The following FAN1 variants were observed in gnomAD, a reference collection of about 807,000 sequenced individuals.
The protein encoded by FAN1 is FANCD2 and FANCI associated nuclease 1, also known as fanconi-associated nuclease 1.
In FAN1, 91 loss-of-function variants were observed where a neutral mutation model predicts 104.9. The observed-to-expected ratio is 0.87, with a 90% CI of 0.73 to 1.03. The LOEUF is 1.03. Ranked by LOEUF, FAN1 falls within the 50% of genes least tolerant of loss-of-function variation. FAN1 has a pLI of 0.00. For missense variants in FAN1, 1,263 were observed against 1,239.9 expected (o/e 1.02, Z -0.28); for synonymous variants, 478 against 457.6 (o/e 1.04, Z -0.57).
chr15:30,922,954 G>A (rs1013903900), intron 8 of FAN1, among the ~76,000 whole-genome samples: 2 of 152,240 alleles, frequency 1.3e-5, no homozygotes, highest in African/African-American at 2.4e-5. Context: ...GGGTGAGGCC[G>A]CAGAGCCTGT....
At position 30,925,816 on chromosome 15, in the gene FAN1, C is replaced by T; in HGVS notation, c.2365C>T (p.Gln789Ter). 2 of 1,614,204 alleles carry T rather than the reference C, an allele frequency of 1.2e-6. No individual in the cohort carries two copies. Among genetic ancestry groups the T allele is most frequent in the Middle Eastern group, 1.7e-4 (1 of 6,060 alleles). The change falls in exon 10 of 15, where the codon CAG becomes TAG. Residue 789 changes from glutamine to a stop codon, truncating the protein, a stop_gained. Transcript: ENST00000362065. LOFTEE classifies it high-confidence loss of function. ...GACCATCACAGGCAGGCTGTGCCCACAGCGTGGGATGTGCAAGTCTGTGTT... is the reference window on the plus strand; with the variant it reads ...GACCATCACAGGCAGGCTGTGCCCATAGCGTGGGATGTGCAAGTCTGTGTT... ...HVTITGRLCP[Q>*]RGMCKSVFVM...
At chr15:30,929,969 TA>T (rs2062658311) in intron 12 of FAN1, among the ~76,000 whole-genome samples, 1 of 125,580 alleles carries the variant, frequency 8.0e-6, no homozygotes, top group South Asian at 2.2e-4. Context: ...ATATAATATA[TA>T]AAATATATAA....
intron 3 of FAN1, among the ~76,000 whole-genome samples, 192 bp downstream of exon 3, chr15:30,908,450 A>G (rs994812144): frequency 6.6e-6 from 1 of 152,242 alleles, no homozygotes; most frequent in African/African-American, 2.4e-5. Context: ...GCCTGAGTTA[A>G]GAATACTAGA....
intron 14 of FAN1, chr15:30,940,313 GTGTC>G: frequency 3.0e-6 from 3 of 985,378 alleles, no homozygotes; most frequent in Non-Finnish European, 3.6e-6. Context: ...GCAAACAACT[GTGTC>G]TGCTCATTCT....
chr15:30,905,583 C>G lies in FAN1; in HGVS notation c.920C>G (p.Thr307Ser). ...EACHCEEVKM[T>S]VASEAKIQLS... ...TGTCATTGTGAAGAAGTAAAAATGA[C>G]TGTTGCTTCAGAAGCTAAAATACAG... The change falls in exon 2 of 15, where the codon ACT (threonine) becomes AGT (serine). Residue 307 changes from threonine (T) to serine (S), a missense_variant. Coordinates refer to ENST00000362065, the MANE Select transcript of FAN1 (RefSeq NM_014967.5). 6.2e-7 allele frequency: 1 copy of G among 1,613,974 alleles called. No individual in the cohort carries two copies. Among genetic ancestry groups the G allele is most frequent in the Non-Finnish European group, 8.5e-7 (1 of 1,179,840 alleles).
intron 10 of FAN1, chr15:30,927,651 A>T: frequency 1.0e-6 from 1 of 985,604 alleles, no homozygotes; most frequent in Non-Finnish European, 1.2e-6. Context: ...TGCTGCCAGT[A>T]CTGGCATGTC....
rs752820596 is a variant in FAN1 at position 30,904,690 on chromosome 15, CA to C, written c.34del (p.Arg12GlyfsTer45). 11 of 1,603,142 alleles carry C rather than the reference CA, an allele frequency of 6.9e-6. No homozygotes were observed. Among genetic ancestry groups the C allele is most frequent in the East Asian group, 2.2e-5 (1 of 44,756 alleles). ...TGATGTCAGAAGGGAAACCTCCTGA[CA>C]AAAAAAGGCCTCGTAGAAGCTTATC... MMSEGKPPD[K>X]KRPRRSLSIS... On this transcript the variant is annotated frameshift_variant, in exon 2 of 15. Transcript: ENST00000362065. LOFTEE classifies it high-confidence loss of function.
At position 30,929,361 on chromosome 15, in the gene FAN1, C is replaced by A; in HGVS notation, c.2751C>A (p.Val917=). ...AGGAAGGCAGAGTGGCTTCCCTTGT[C>A]AGCTGGGATCGCTTCACGTCTCTTC... ...HEQEGRVASL[V]SWDRFTSLQQ... Residue 917 remains valine (V), a synonymous_variant, in exon 12 of 15, where the codon GTC becomes GTA. Coordinates refer to ENST00000362065, the MANE Select transcript of FAN1 (RefSeq NM_014967.5). 6.2e-7 allele frequency: 1 copy of A among 1,611,472 alleles called. No homozygotes were observed. The highest frequency in any genetic ancestry group is 1.1e-5 in the South Asian group (1 of 90,726).
At chr15:30,927,778 G>GGGCA (rs2062502766) in intron 10 of FAN1, 2 of 985,782 alleles carry the variant, frequency 2.0e-6, no homozygotes, top group African/African-American at 3.5e-5. Context: ...CGGACTTGGA[G>GGGCA]GGCAGCTGGA....
intron 3 of FAN1, 82 bp downstream of exon 3, chr15:30,908,340 G>A (rs1441785304): frequency 3.3e-6 from 4 of 1,222,246 alleles, no homozygotes; most frequent in African/African-American, 1.5e-5. Context: ...GTATTATTAT[G>A]GTGCCCTCCC....
chr15:30,906,842 T>A (rs2061991121), intron 2 of FAN1, among the ~76,000 whole-genome samples: 1 of 152,318 alleles, frequency 6.6e-6, no homozygotes, highest in Middle Eastern at 3.4e-3. Flanking sequence ...AAGATGGACA[T>A]AATAGCACAT....
intron 9 of FAN1, 124 bp downstream of exon 9, chr15:30,925,415 C>G: frequency 1.1e-6 from 1 of 935,134 alleles, no homozygotes; most frequent in Non-Finnish European, 1.6e-6. Flanking sequence ...ATCTAAAACT[C>G]GTTTTGGACG....
At chr15:30,928,034 C>T in intron 10 of FAN1, 1 of 990,170 alleles carries the variant, frequency 1.0e-6, no homozygotes, top group Non-Finnish European at 1.2e-6. Flanking sequence ...AGTGTAGTAC[C>T]CAGGGGGATG....
chr15:30,906,038 G>A, intron 2 of FAN1, 141 bp downstream of exon 2: 10 of 759,594 alleles, frequency 1.3e-5, no homozygotes, highest in East Asian at 2.5e-5. Flanking sequence ...GTTCATGGGA[G>A]TTGGAGCATA....
rs1471601198 is a variant in FAN1, at chr15:30,910,635, C to G, written c.1397C>G (p.Ser466Cys). The G allele has an allele frequency of 8.7e-6, 14 of 1,608,072 alleles. No homozygotes were observed. Among genetic ancestry groups the G allele is most frequent in the Non-Finnish European group, 9.3e-6 (11 of 1,176,902 alleles). ...TCAGAATCTGAGTTGCAAGAACTCT[C>G]TGAAGTGCTTGAACTCCTTTCTGCT... The part of the protein sequence containing the change: ...LQTESELQEL[S>C]EVLELLSAPE... The change falls in exon 4 of 15, where the codon TCT becomes TGT. Residue 466 changes from serine to cysteine, a missense_variant. This residue lies in a region of FAN1 where 682 missense variants were observed against 571.1 expected (regional missense o/e 1.19). Transcript: ENST00000362065.
chr15:30,937,056 T>TA, intron 13 of FAN1, 63 bp from the exon 14 acceptor site: 1 of 1,417,008 alleles, frequency 7.1e-7, no homozygotes, highest in Non-Finnish European at 9.8e-7. Context: ...CAACTACAAC[T>TA]TACTTGAATG....
At chr15:30,929,508 ATG>A (rs2062559370) in intron 12 of FAN1, 111 bp downstream of exon 12, 2 of 576,378 alleles carry the variant, frequency 3.5e-6, no homozygotes, top group South Asian at 2.4e-5. Flanking sequence ...AAATACATGT[ATG>A]TGTGTGCATA....
intron 7 of FAN1, among the ~76,000 whole-genome samples, chr15:30,920,876 C>T (rs753773489): frequency 3.3e-5 from 5 of 152,202 alleles, no homozygotes; most frequent in Non-Finnish European, 5.9e-5. Flanking sequence ...CTCTGCCTCC[C>T]GGGCTCAAGT....
chr15:30,919,064 G>C (rs1284117700), intron 6 of FAN1, among the ~76,000 whole-genome samples: 2 of 152,166 alleles, frequency 1.3e-5, no homozygotes, highest in East Asian at 3.9e-4. Flanking sequence ...AAGTAAGCTA[G>C]GGAAAAGAAT....
Sources: gnomAD v4.1 joint callset for allele counts (sites outside exome capture counted in the v4.1 genomes callset) on GRCh38, gnomAD v4.1.1 for gene constraint, gnomAD v4.1.1 regional missense constraint, MANE v1.5 for transcripts, NCBI Gene and HGNC (gene_info 2026-07-23, HGNC 2026-07-21) for gene names.